ZNF354C: variants seen among roughly 807,000 people sequenced by gnomAD.
ZNF354C encodes the protein KRAB-zinc finger protein synten.
In ZNF354C, 7 loss-of-function variants were observed where a neutral mutation model predicts 12.4. The observed-to-expected ratio is 0.56, with a 90% CI of 0.32 to 1.06. The LOEUF is 1.06. ZNF354C is among the 50% of genes least tolerant of loss of function. The pLI is 0.04. For synonymous variants in ZNF354C, 202 were observed against 224.5 expected (o/e 0.90, Z 0.90); for missense variants, 609 against 658.0 (o/e 0.93, Z 0.81).
In ZNF354C at chr5:179,083,801, A is replaced by C. The variant is rs1239154335; in HGVS notation, c.*3704A>C. The stretch of plus-strand genomic sequence containing the variant: ...GAAGGAAACTAGAATTTGAAACAAG[A>C]TCATTGTGGCGCTCCTGGGCATTCC... On this transcript the variant is annotated 3_prime_UTR_variant, in exon 5 of 5. Transcript: ENST00000315475. 6.6e-6 allele frequency among the ~76,000 whole-genome samples: 1 copy of C among 152,204 alleles called. No individual in the cohort carries two copies. Among genetic ancestry groups the C allele is most frequent in the Admixed American group, 6.5e-5 (1 of 15,286 alleles).
chr5:179,077,245 T>C, intron 4 of ZNF354C, 79 bp downstream of exon 4: 1 of 1,173,204 alleles, frequency 8.5e-7, no homozygotes, highest in South Asian at 1.3e-5. Flanking sequence ...CTTGGGAAAC[T>C]CTTGGAAATA....
At position 179,082,465 on chromosome 5, in the gene ZNF354C, C is replaced by CT. The variant is rs879830926; in HGVS notation, c.*2376dup. The CT allele has an allele frequency of 4.9e-5, 26 of 533,050 alleles. No individual in the cohort carries two copies. Among genetic ancestry groups the CT allele is most frequent in the Middle Eastern group, 5.2e-4 (1 of 1,940 alleles). 33.0% of individuals were successfully genotyped at this position (533,050 alleles called of 1,614,324 possible). On this transcript the variant is annotated 3_prime_UTR_variant, in exon 5 of 5. Coordinates refer to ENST00000315475, the MANE Select transcript of ZNF354C (RefSeq NM_014594.3). ...CCAGAGTTGGTATAGGACAACTGGACTTTTTTTTATATATTTATTTTAAAA... is the reference window on the plus strand; with the variant it reads ...CCAGAGTTGGTATAGGACAACTGGACTTTTTTTTTATATATTTATTTTAAAA...
In ZNF354C at chr5:179,078,882, T is replaced by C; in HGVS notation, c.450T>C (p.His150=). The change falls in exon 5 of 5, where the codon CAT becomes CAC. Residue 150 remains histidine (H), a synonymous_variant. Coordinates refer to ENST00000315475, the MANE Select transcript of ZNF354C (RefSeq NM_014594.3). ...KKPLRQMIDS[H]EKTISEDGNH... The stretch of plus-strand genomic sequence containing the variant: ...CTCTTAGACAAATGATAGATTCGCA[T>C]GAGAAAACCATCAGTGAAGATGGAA... 1 of 1,614,066 alleles carries C rather than the reference T, an allele frequency of 6.2e-7. No individual in the cohort carries two copies.
In ZNF354C at chr5:179,080,236, T is replaced by C; in HGVS notation, c.*139T>C. On this transcript the variant is annotated 3_prime_UTR_variant, in exon 5 of 5. Coordinates refer to ENST00000315475, the MANE Select transcript of ZNF354C (RefSeq NM_014594.3). ...TGCCACTAAGTCATGATAAAATTGA[T>C]CAGTGAGACTATGAAGAGCACTGAC... 1 of 586,450 alleles carries C rather than the reference T, an allele frequency of 1.7e-6. No homozygotes were observed. 36.3% of individuals were successfully genotyped at this position (586,450 alleles called of 1,614,324 possible). A position where few individuals can be genotyped will look rare whatever the true frequency, so the allele number is the denominator to read the frequency against.
At chr5:179,070,841 CTTTTTTTTTTTTTTTTT>C (rs766817856) in intron 2 of ZNF354C, among the ~76,000 whole-genome samples, 3 of 75,440 alleles carry the variant, frequency 4.0e-5, no homozygotes, top group African/African-American at 5.7e-5. Context: ...CTTGATCGCT[CTTTTTTTTTTTTTTTTT>C]TTTTTTTTGA....
At position 179,060,580 on chromosome 5, in the gene ZNF354C, CTCGGGCCCCTTGGCCACTGGG is replaced by C. The variant is rs1761874254; in HGVS notation, c.-138_-118del. 1 of 152,212 alleles carries C rather than the reference CTCGGGCCCCTTGGCCACTGGG, an allele frequency of 6.6e-6. No individual in the cohort carries two copies. The highest frequency in any genetic ancestry group is 1.5e-5 in the Non-Finnish European group (1 of 68,062). 9.4% of individuals were successfully genotyped at this position (152,212 alleles called of 1,614,324 possible). ...GGCTTCTGGGACCAGCCCTACGCGG[CTCGGGCCCCTTGGCCACTGGG>C]TCCCGGGGCGCCGTCCGCGAGCGGC... On this transcript the variant is annotated 5_prime_UTR_variant, in exon 1 of 5. Coordinates refer to ENST00000315475, the MANE Select transcript of ZNF354C (RefSeq NM_014594.3). The surrounding 1 kb of genome is among the most constrained non-coding windows in gnomAD (Gnocchi z 4.2).
chr5:179,078,914 C>T lies in ZNF354C; in HGVS notation c.482C>T (p.Thr161Ile), dbSNP rs770762398. 1 of 1,614,112 alleles carries T rather than the reference C, an allele frequency of 6.2e-7. No individual in the cohort carries two copies. The highest frequency in any genetic ancestry group is 1.1e-5 in the South Asian group (1 of 91,078). Reference protein sequence around the residue: ...EKTISEDGNHTSLELGKSLFT... With the variant: ...EKTISEDGNHISLELGKSLFT... ...ACCATCAGTGAAGATGGAAACCATA[C>T]AAGTCTTGAATTGGGGAAAAGCTTA... Residue 161 changes from threonine (T) to isoleucine (I), a missense_variant, in exon 5 of 5, where the codon ACA (threonine) becomes ATA (isoleucine). Transcript: ENST00000315475.
intron 2 of ZNF354C, among the ~76,000 whole-genome samples, chr5:179,071,216 A>G (rs770634935): frequency 2.0e-5 from 3 of 151,764 alleles, no homozygotes; most frequent in Non-Finnish European, 4.4e-5. Flanking sequence ...ACACCCTCAC[A>G]CATTGCTACT....
intron 2 of ZNF354C, among the ~76,000 whole-genome samples, chr5:179,068,962 A>G (rs1761999831): frequency 6.6e-6 from 1 of 152,188 alleles, no homozygotes; most frequent in African/African-American, 2.4e-5. Flanking sequence ...TCCCCTTCTT[A>G]GAAGCACATG....
intron 3 of ZNF354C, among the ~76,000 whole-genome samples, chr5:179,076,773 G>A (rs1338343132): frequency 3.3e-5 from 5 of 152,018 alleles, no homozygotes; most frequent in Admixed American, 2.6e-4. Flanking sequence ...ACATCCTACC[G>A]CCAATCAGTT....
rs1762257394 is a variant in ZNF354C, at chr5:179,083,537, A to C, written c.*3440A>C. ...AATGCAAAAAGTGATTGGATAAAGA[A>C]GTGATGAATATTAATCTTTCAATCA... On this transcript the variant is annotated 3_prime_UTR_variant, in exon 5 of 5. Transcript: ENST00000315475. 1 of 141,198 alleles carries C rather than the reference A, an allele frequency of 7.1e-6. No individual in the cohort carries two copies. The highest frequency in any genetic ancestry group is 1.6e-5 in the Non-Finnish European group (1 of 64,392). The allele number at this position is 141,198 out of a possible 1,614,324, so 8.7% of individuals were successfully genotyped here.
chr5:179,065,470 G>A (rs576457843), intron 2 of ZNF354C, among the ~76,000 whole-genome samples: 13 of 152,174 alleles, frequency 8.5e-5, no homozygotes, highest in Admixed American at 6.5e-4. Context: ...AGGCTGGAGT[G>A]CAATGATGCG....
chr5:179,077,734 C>T (rs1435738566), intron 4 of ZNF354C, among the ~76,000 whole-genome samples: 3 of 151,578 alleles, frequency 2.0e-5, no homozygotes, highest in Non-Finnish European at 4.4e-5. Flanking sequence ...GCATCTTAAA[C>T]TTCGATCACA....
At chr5:179,067,676 C>T (rs959392497) in intron 2 of ZNF354C, among the ~76,000 whole-genome samples, 6 of 151,618 alleles carry the variant, frequency 4.0e-5, no homozygotes, top group Admixed American at 2.0e-4. Flanking sequence ...GGCAAAACTC[C>T]GTCTCTACTA....
At position 179,068,823 on chromosome 5, in the gene ZNF354C, A is replaced by C. The variant is rs1379394590; in HGVS notation, c.27+6728A>C. On this transcript the variant is annotated intron_variant, in intron 2 of 4. Transcript: ENST00000315475. Reference sequence around the variant, plus strand: ...GTGTGTTCTTGCAGTTCTGGTGGCCAAAAGTCCAAGATCAAGGTGTGGGCA... The same window carrying C: ...GTGTGTTCTTGCAGTTCTGGTGGCCCAAAGTCCAAGATCAAGGTGTGGGCA... Among the ~76,000 whole-genome samples, 3 of 152,332 alleles carry C rather than the reference A, an allele frequency of 2.0e-5. No homozygotes were observed. The East Asian group carries it at 5.8e-4, about 29-fold the overall frequency.
Position 179,079,606 on chromosome 5 carries a change from A to G in ZNF354C, c.1174A>G (p.Thr392Ala). 6.2e-7 allele frequency: 1 copy of G among 1,614,128 alleles called. No homozygotes were observed. The highest frequency in any genetic ancestry group is 8.5e-7 in the Non-Finnish European group (1 of 1,180,016). ...GTATACATGCTTGGAATGTGGGAGA[A>G]CCTTCACACGTATTGTAACCCTTAT... The part of the protein sequence containing the change: ...QLYTCLECGR[T>A]FTRIVTLIEH... The change falls in exon 5 of 5, where the codon ACC becomes GCC. Residue 392 changes from threonine to alanine, a missense_variant. Thr to Ala is a moderately conservative substitution (Grantham distance 58, BLOSUM62 0). Coordinates refer to ENST00000315475, the MANE Select transcript of ZNF354C (RefSeq NM_014594.3). The surrounding 1 kb of genome is among the most constrained non-coding windows in gnomAD (Gnocchi z 4.2).
chr5:179,063,497 T>G (rs1761919981), intron 2 of ZNF354C, among the ~76,000 whole-genome samples: 1 of 152,224 alleles, frequency 6.6e-6, no homozygotes, highest in African/African-American at 2.4e-5. Context: ...AATTCGAGGC[T>G]GCAAGTGAGC....
chr5:179,070,717 T>A (rs1762035513), intron 2 of ZNF354C, among the ~76,000 whole-genome samples: 1 of 152,180 alleles, frequency 6.6e-6, no homozygotes, highest in African/African-American at 2.4e-5. Flanking sequence ...TCTTGCATTT[T>A]AAAAATACAG....
chr5:179,072,490 A>G (rs1238424870), intron 2 of ZNF354C, among the ~76,000 whole-genome samples: 1 of 152,176 alleles, frequency 6.6e-6, no homozygotes, highest in Non-Finnish European at 1.5e-5. Context: ...GGGACAAAGA[A>G]TGGACAAACT....
Sources: allele counts gnomAD v4.1 joint callset (sites outside exome capture counted in the v4.1 genomes callset), GRCh38; gene constraint gnomAD v4.1.1; non-coding constraint Gnocchi (gnomAD v3.1); transcripts MANE v1.5; gene names NCBI Gene and HGNC (gene_info 2026-07-23, HGNC 2026-07-21).